Variants in RSU1 observed in about 807,000 individuals in gnomAD.
RSU1 encodes rsu-1.
Under a neutral mutation model 31.1 loss-of-function variants are expected in RSU1, and 26 were observed. The observed-to-expected ratio is 0.84, with a 90% CI of 0.61 to 1.16. The LOEUF is 1.16. Among genes scored for constraint, RSU1 ranks in the 50% most tolerant of loss-of-function variants. RSU1 has a pLI of 0.00. For synonymous variants in RSU1, 164 were observed against 136.3 expected (o/e 1.20, Z -1.41); for missense variants, 320 against 339.1 (o/e 0.94, Z 0.44).
chr10:16,748,177 GAGTGC>G (rs2131616185), intron 7 of RSU1: 1 of 152,334 alleles, frequency 6.6e-6, no homozygotes, highest in Non-Finnish European at 1.5e-5. Flanking sequence ...TACTGTTGTA[GAGTGC>G]ACAAGTCCAA....
At chr10:16,768,270 G>T (rs1307203329) in intron 3 of RSU1, among the ~76,000 whole-genome samples, 1 of 152,082 alleles carries the variant, frequency 6.6e-6, no homozygotes, top group East Asian at 1.9e-4. Context: ...CCATTTCCAA[G>T]GTCTCTTCCA....
At chr10:16,791,564 G>C (rs1837913879) in intron 2 of RSU1, among the ~76,000 whole-genome samples, 1 of 151,530 alleles carries the variant, frequency 6.6e-6, no homozygotes. Flanking sequence ...AGGAGGCGGA[G>C]GTTGCAGTGA....
intron 7 of RSU1, among the ~76,000 whole-genome samples, chr10:16,742,724 T>C (rs1588506826): frequency 6.6e-6 from 1 of 152,196 alleles, no homozygotes; most frequent in Non-Finnish European, 1.5e-5. Context: ...AGTGGCAAGC[T>C]TTTCCAGCTG....
intron 2 of RSU1, among the ~76,000 whole-genome samples, chr10:16,788,063 C>G (rs1837831673): frequency 6.6e-6 from 1 of 152,134 alleles, no homozygotes; most frequent in Non-Finnish European, 1.5e-5. Context: ...AAGCATTGCT[C>G]TATCCCTGAG....
chr10:16,758,816 C>T (rs943778929), intron 4 of RSU1, among the ~76,000 whole-genome samples: 1 of 152,170 alleles, frequency 6.6e-6, no homozygotes, highest in Non-Finnish European at 1.5e-5. Context: ...TCTCAACTAT[C>T]AAGTGTGGTT....
At chr10:16,788,174 T>C (rs1000033446) in intron 2 of RSU1, among the ~76,000 whole-genome samples, 7 of 152,200 alleles carry the variant, frequency 4.6e-5, no homozygotes, top group African/African-American at 1.7e-4. Context: ...TATGCTCAGC[T>C]TCATGTAAGA....
rs74125861 is a variant in RSU1 at position 16,734,370 on chromosome 10, T to C, written c.598+18169A>G. ...ACACTCTTCTTCATCTGCATGTGAT[T>C]CAGGGGGAAATCTGGTAGTTATACA... On this transcript the variant is annotated intron_variant, in intron 7 of 8. Transcript: ENST00000345264. Among the ~76,000 whole-genome samples the C allele has an allele frequency of 6.8e-3, 1,042 of 152,326 alleles. 12 individuals are homozygous for C. The highest frequency in any genetic ancestry group is 0.022 in the South Asian group (108 of 4,828).
Position 16,800,448 on chromosome 10 carries a change from C to T in RSU1, c.109+16525G>A, listed in dbSNP as rs141483926. 6.6e-5 allele frequency among the ~76,000 whole-genome samples: 10 copies of T among 152,262 alleles called. No individual in the cohort carries two copies. The East Asian group carries it at 1.7e-3, about 26-fold the overall frequency. The stretch of plus-strand genomic sequence containing the variant: ...AACACTGTAACAAAAATAAAGAGCG[C>T]CTCTGACTGGCTCATTAGTAGAATG... On this transcript the variant is annotated intron_variant, in intron 2 of 8. Transcript: ENST00000345264.
chr10:16,605,261 G>A (rs1419856848), intron 8 of RSU1, among the ~76,000 whole-genome samples: 2 of 152,064 alleles, frequency 1.3e-5, no homozygotes, highest in African/African-American at 2.4e-5. Context: ...CTTTGACTAC[G>A]TTCATTTCCA....
intron 8 of RSU1, among the ~76,000 whole-genome samples, chr10:16,595,974 A>C (rs1415239833): frequency 6.6e-6 from 1 of 151,914 alleles, no homozygotes; most frequent in Non-Finnish European, 1.5e-5. Flanking sequence ...TCTCAGAAAA[A>C]AAAAAATCTG....
chr10:16,743,465 A>G (rs1013297181), intron 7 of RSU1, among the ~76,000 whole-genome samples: 7 of 152,242 alleles, frequency 4.6e-5, no homozygotes, highest in South Asian at 2.1e-4. Context: ...ACTCTTCTGC[A>G]AATTACGATA....
chr10:16,717,024 G>C (rs745396051), intron 7 of RSU1, among the ~76,000 whole-genome samples: 19 of 152,158 alleles, frequency 1.2e-4, no homozygotes, highest in Non-Finnish European at 2.5e-4. Flanking sequence ...TATATTACTA[G>C]ACACTTGCTC....
At chr10:16,642,370 C>A (rs1294052390) in intron 8 of RSU1, among the ~76,000 whole-genome samples, 1 of 152,190 alleles carries the variant, frequency 6.6e-6, no homozygotes, top group Non-Finnish European at 1.5e-5. Context: ...CAGGCAGAAA[C>A]TGCACCAATG....
chr10:16,687,372 T>A (rs1158321375), intron 8 of RSU1, among the ~76,000 whole-genome samples: 1 of 152,146 alleles, frequency 6.6e-6, no homozygotes, highest in Non-Finnish European at 1.5e-5. Context: ...CCATTTTGCA[T>A]GAGCTATAAA....
At position 16,607,957 on chromosome 10, in the gene RSU1, A is replaced by G. The variant is rs1833832698; in HGVS notation, c.732-14461T>C. ...AGCTCACTGCAACCTCTGCCTCCCAAGTAGCTGGGATTACAGGCACATACC... is the reference window on the plus strand; with the variant it reads ...AGCTCACTGCAACCTCTGCCTCCCAGGTAGCTGGGATTACAGGCACATACC... On this transcript the variant is annotated intron_variant, in intron 8 of 8. Coordinates refer to ENST00000345264, the MANE Select transcript of RSU1 (RefSeq NM_012425.4). 2.6e-5 allele frequency among the ~76,000 whole-genome samples: 4 copies of G among 152,106 alleles called. No individual in the cohort carries two copies. The South Asian group carries it at 8.3e-4, about 32-fold the overall frequency.
intron 8 of RSU1, among the ~76,000 whole-genome samples, chr10:16,667,835 G>A (rs768869111): frequency 3.3e-5 from 5 of 152,118 alleles, no homozygotes; most frequent in South Asian, 2.1e-4. Flanking sequence ...TATATTCAAT[G>A]AGCCTGCCAG....
At chr10:16,666,198 A>T (rs1834984634) in intron 8 of RSU1, among the ~76,000 whole-genome samples, 1 of 151,994 alleles carries the variant, frequency 6.6e-6, no homozygotes, top group African/African-American at 2.4e-5. Context: ...TACATTGATG[A>T]TCCCTTACTA....
intron 8 of RSU1, among the ~76,000 whole-genome samples, chr10:16,671,206 C>A (rs186902245): frequency 6.6e-6 from 1 of 152,124 alleles, no homozygotes; most frequent in African/African-American, 2.4e-5. Flanking sequence ...CAATGGTGGG[C>A]TGGATTAAGA....
At chr10:16,610,841 A>C (rs1390599849) in intron 8 of RSU1, among the ~76,000 whole-genome samples, 1 of 152,202 alleles carries the variant, frequency 6.6e-6, no homozygotes, top group Non-Finnish European at 1.5e-5. Context: ...AAAAGGCTGG[A>C]AACTGCTGGT....
Sources: gnomAD v4.1 joint callset for allele counts (sites outside exome capture counted in the v4.1 genomes callset) on GRCh38, gnomAD v4.1.1 for gene constraint, MANE v1.5 for transcripts, NCBI Gene and HGNC (gene_info 2026-07-23, HGNC 2026-07-21) for gene names.